The following SLC22A13 variants were observed in gnomAD, a reference collection of about 807,000 sequenced individuals.
SLC22A13 encodes solute carrier family 22 member 13, also known as organic anion transporter 10.
SLC22A13 carries 42 observed loss-of-function variants against 49.1 expected under a neutral mutation model. The observed-to-expected ratio is 0.85, with a 90% CI of 0.67 to 1.11. The LOEUF (loss-of-function observed/expected upper bound fraction) is 1.11. SLC22A13 is among the 50% of genes least tolerant of loss of function. SLC22A13 has a pLI of 0.00. For synonymous variants in SLC22A13, 282 were observed against 293.1 expected, an observed-to-expected ratio of 0.96 and a Z score of 0.39; for missense variants, 694 against 712.8, an observed-to-expected ratio of 0.97 and a Z score of 0.30.
In SLC22A13 at chr3:38,276,316, G is replaced by C. The variant is rs201669756; in HGVS notation, c.1267G>C (p.Val423Leu). 1 of 1,613,560 alleles carries C rather than the reference G, an allele frequency of 6.2e-7. No homozygotes were observed. The highest frequency in any genetic ancestry group is 1.1e-5 in the South Asian group (1 of 91,024). Residue 423 changes from valine (V) to leucine (L), a missense_variant, in exon 8 of 10, where the codon GTG becomes CTG. Coordinates refer to ENST00000311856, the MANE Select transcript of SLC22A13 (RefSeq NM_004256.4). ...GCCCGTGGTGGTCACCATGCTGGCTGTGGTGGGGAAGATGGCCACAGCTGC... is the reference window on the plus strand; with the variant it reads ...GCCCGTGGTGGTCACCATGCTGGCTCTGGTGGGGAAGATGGCCACAGCTGC... ...DLPVVVTMLA[V>L]VGKMATAAAF...
intron 1 of SLC22A13, among the ~76,000 whole-genome samples, chr3:38,269,505 G>T (rs1295130465): frequency 6.6e-6 from 1 of 152,016 alleles, no homozygotes; most frequent in Non-Finnish European, 1.5e-5. Flanking sequence ...TGATCCACCC[G>T]CCTCAGCCTC....
rs370262738 is a variant in SLC22A13 at position 38,276,295 on chromosome 3, G to T, written c.1246G>T (p.Val416Leu). 3.2e-5 allele frequency: 52 copies of T among 1,612,350 alleles called. No homozygotes were observed. Among genetic ancestry groups the T allele is most frequent in the Admixed American group, 3.3e-5 (2 of 59,888 alleles). Residue 416 changes from valine to leucine, a missense_variant, in exon 8 of 10, where the codon GTG (valine) becomes TTG (leucine). By Grantham distance (32) the Val-to-Leu change is conservative (BLOSUM62 1). Coordinates refer to ENST00000311856, the MANE Select transcript of SLC22A13 (RefSeq NM_004256.4). ...IIIFIPADLP[V>L]VVTMLAVVGK... ...TGTCTACCCTCTGCCAGATCTGCCC[G>T]TGGTGGTCACCATGCTGGCTGTGGT...
In SLC22A13 at chr3:38,276,377, T is replaced by G; in HGVS notation, c.1328T>G (p.Leu443Arg). The G allele has an allele frequency of 1.2e-6, 2 of 1,609,932 alleles. No homozygotes were observed. The highest frequency in any genetic ancestry group is 2.2e-5 in the South Asian group (2 of 90,762). The change falls in exon 8 of 10, where the codon CTT (leucine) becomes CGT (arginine). Residue 443 changes from leucine (L) to arginine (R), a missense_variant. Leu to Arg is a moderately radical substitution (Grantham distance 102). Coordinates refer to ENST00000311856, the MANE Select transcript of SLC22A13 (RefSeq NM_004256.4). Reference sequence around the variant, plus strand: ...ATCTCCTATGTGTACTCTGCCGAGCTTTTCCCCACCATCCTCCGGTAAGAG... The same window carrying G: ...ATCTCCTATGTGTACTCTGCCGAGCGTTTCCCCACCATCCTCCGGTAAGAG... Reference protein sequence around the residue: ...FTISYVYSAELFPTILRQTGM... With the variant: ...FTISYVYSAERFPTILRQTGM...
rs565735758 is a variant in SLC22A13, at chr3:38,272,981, G to A, written c.379-1291G>A. Among the ~76,000 whole-genome samples, 13 of 152,250 alleles carry A rather than the reference G, an allele frequency of 8.5e-5. No homozygotes were observed. The East Asian group carries it at 9.6e-4, about 11-fold the overall frequency. ...TTAGCTGCTTAAACTTTCCTTTCTCGGGAAGTTGATAATAAGTGAAGGATT... is the reference window on the plus strand; with the variant it reads ...TTAGCTGCTTAAACTTTCCTTTCTCAGGAAGTTGATAATAAGTGAAGGATT... On this transcript the variant is annotated intron_variant, in intron 1 of 9. Coordinates refer to ENST00000311856, the MANE Select transcript of SLC22A13 (RefSeq NM_004256.4).
rs72551365 is a variant in SLC22A13 at position 38,275,442 on chromosome 3, G to A, written c.879G>A (p.Lys293=). The A allele has an allele frequency of 1.2e-4, 191 of 1,614,232 alleles. 3 individuals are homozygous for A. In the Admixed American group the frequency reaches 2.9e-3, roughly 24 times the overall value. Residue 293 remains lysine, a synonymous_variant, in exon 5 of 10, where the codon AAG becomes AAA. Transcript: ENST00000311856. ...RMDEAIQLIQ[K]AASVNRRKLS... is the part of the protein sequence containing the mutation. Reference sequence around the variant, plus strand: ...ACGAGGCGATACAACTGATCCAGAAGGCGGCCTCGGTCAATAGGCGGAAAC... The same window carrying A: ...ACGAGGCGATACAACTGATCCAGAAAGCGGCCTCGGTCAATAGGCGGAAAC...
At chr3:38,276,518 G>T in intron 8 of SLC22A13, 123 bp downstream of exon 8, 1 of 696,944 alleles carries the variant, frequency 1.4e-6, no homozygotes. Flanking sequence ...GCAGTGCTGG[G>T]CAGGGTCCAG....
chr3:38,268,018 G>C (rs1703481272), intron 1 of SLC22A13, among the ~76,000 whole-genome samples: 1 of 152,192 alleles, frequency 6.6e-6, no homozygotes, highest in African/African-American at 2.4e-5. Flanking sequence ...TGGGACCTCT[G>C]TTCTTTGGTG....
chr3:38,267,978 A>C (rs767800955), intron 1 of SLC22A13, among the ~76,000 whole-genome samples: 3 of 152,154 alleles, frequency 2.0e-5, no homozygotes, highest in African/African-American at 4.8e-5. Flanking sequence ...GGGTAGGGGT[A>C]TAGGAATTAG....
At position 38,278,089 on chromosome 3, in the gene SLC22A13, C is replaced by T. The variant is rs913305316; in HGVS notation, c.*624C>T. ...TGTGTTCACTTCAAAGATGGCCCAA[C>T]CCCCGCCCTACACTCAGCTCATGCC... On this transcript the variant is annotated 3_prime_UTR_variant, in exon 10 of 10. Coordinates refer to ENST00000311856, the MANE Select transcript of SLC22A13 (RefSeq NM_004256.4). 2 of 152,472 alleles carry T rather than the reference C, an allele frequency of 1.3e-5. No homozygotes were observed. The highest frequency in any genetic ancestry group is 1.3e-4 in the Admixed American group (2 of 15,272). 9.4% of individuals were successfully genotyped at this position (152,472 alleles called of 1,614,324 possible).
intron 1 of SLC22A13, among the ~76,000 whole-genome samples, chr3:38,271,029 T>C (rs1360297589): frequency 6.6e-6 from 1 of 152,232 alleles, no homozygotes; most frequent in African/African-American, 2.4e-5. Flanking sequence ...TGGCTTTGTG[T>C]GATCTTCTAT....
Position 38,277,007 on chromosome 3 carries a change from C to G in SLC22A13, c.1442C>G (p.Pro481Arg). ...ILLGEYHAAL[P>R]MLIYGSLPIV... is the part of the protein sequence containing the mutation. ...CTGGGAGAGTACCACGCTGCCCTCC[C>G]CATGCTCATCTACGGCAGCCTCCCC... Residue 481 changes from proline (P) to arginine (R), a missense_variant, in exon 9 of 10, where the codon CCC (proline) becomes CGC (arginine). Physicochemically the swap from Pro to Arg is moderately radical, Grantham distance 103. Transcript: ENST00000311856. 1 of 1,610,884 alleles carries G rather than the reference C, an allele frequency of 6.2e-7. No individual in the cohort carries two copies. The highest frequency in any genetic ancestry group is 2.2e-5 in the East Asian group (1 of 44,694).
Position 38,274,991 on chromosome 3 carries a change from A to G in SLC22A13, c.640A>G (p.Thr214Ala). 1 of 1,613,878 alleles carries G rather than the reference A, an allele frequency of 6.2e-7. No individual in the cohort carries two copies. The highest frequency in any genetic ancestry group is 8.5e-7 in the Non-Finnish European group (1 of 1,179,758). Reference protein sequence around the residue: ...GLSFSNVTLLTEWVGPSWRTQ... With the variant: ...GLSFSNVTLLAEWVGPSWRTQ... ...TCTCAACCTCTCCATTGCCACAGTGACAGAATGGGTGGGGCCCTCATGGAG... is the reference window on the plus strand; with the variant it reads ...TCTCAACCTCTCCATTGCCACAGTGGCAGAATGGGTGGGGCCCTCATGGAG... The change falls in exon 4 of 10, where the codon ACA (threonine) becomes GCA (alanine). Residue 214 changes from threonine to alanine, a missense_variant and splice_region_variant. Transcript: ENST00000311856.
chr3:38,277,124 C>G lies in SLC22A13; in HGVS notation c.1559C>G (p.Pro520Arg). The change falls in exon 9 of 10, where the codon CCA (proline) becomes CGA (arginine). Residue 520 changes from proline (P) to arginine (R), a missense_variant. Transcript: ENST00000311856. Reference protein sequence around the residue: ...TLQDLELGPHPRSPKSVPSEK... With the variant: ...TLQDLELGPHRRSPKSVPSEK... The stretch of plus-strand genomic sequence containing the variant: ...CAGGACCTGGAGCTGGGGCCTCACC[C>G]ACGGTGAGCTGCTTGCTTGCACTGA... 2 of 1,556,210 alleles carry G rather than the reference C, an allele frequency of 1.3e-6. No individual in the cohort carries two copies. The highest frequency in any genetic ancestry group is 1.2e-5 in the South Asian group (1 of 84,836).
rs773535589 is a variant in SLC22A13, at chr3:38,275,174, C to A, written c.806+17C>A. ...CTACTTCTGGTGAGGAAAATACATG[C>A]CAGGAGCAAGCCCCCCCAGGTTAGT... On this transcript the variant is annotated intron_variant, in intron 4 of 9. Transcript: ENST00000311856. 6.2e-7 allele frequency: 1 copy of A among 1,613,472 alleles called. No individual in the cohort carries two copies. The highest frequency in any genetic ancestry group is 8.5e-7 in the Non-Finnish European group (1 of 1,179,442).
Position 38,278,237 on chromosome 3 carries a change from G to A in SLC22A13, c.*772G>A, listed in dbSNP as rs938416934. The A allele has an allele frequency of 6.6e-6, 1 of 152,324 alleles. No homozygotes were observed. 9.4% of individuals were successfully genotyped at this position (152,324 alleles called of 1,614,324 possible). On this transcript the variant is annotated 3_prime_UTR_variant, in exon 10 of 10. Coordinates refer to ENST00000311856, the MANE Select transcript of SLC22A13 (RefSeq NM_004256.4). The stretch of plus-strand genomic sequence containing the variant: ...TCTGGACCTTCCAGGGCCCATGCAG[G>A]GTGAGGGAAAGGGTAGAGGTCTTTT...
intron 1 of SLC22A13, among the ~76,000 whole-genome samples, chr3:38,268,597 C>T (rs1356541862): frequency 6.6e-6 from 1 of 152,206 alleles, no homozygotes; most frequent in Non-Finnish European, 1.5e-5. Flanking sequence ...TACTTCTCTT[C>T]ATCTGTCAGT....
Position 38,274,278 on chromosome 3 carries a change from C to G in SLC22A13, c.385C>G (p.Leu129Val). The G allele has an allele frequency of 6.2e-7, 1 of 1,613,716 alleles. No individual in the cohort carries two copies. The highest frequency in any genetic ancestry group is 8.5e-7 in the Non-Finnish European group (1 of 1,179,600). The change falls in exon 2 of 10, where the codon CTG (leucine) becomes GTG (valine). Residue 129 changes from leucine (L) to valine (V), a missense_variant. By Grantham distance (32) the Leu-to-Val change is conservative. Coordinates refer to ENST00000311856, the MANE Select transcript of SLC22A13 (RefSeq NM_004256.4). ...RLPSLKNEFNLVCDRKHLKDT... is the reference protein window; with the variant it reads ...RLPSLKNEFNVVCDRKHLKDT... The stretch of plus-strand genomic sequence containing the variant: ...CTGCCTGTGTCTCCCTCAGTTCAAC[C>G]TGGTTTGTGATCGGAAGCACCTGAA...
Position 38,275,451 on chromosome 3 carries a change from G to A in SLC22A13, c.888G>A (p.Ser296=), listed in dbSNP as rs761884947. 6 of 1,614,188 alleles carry A rather than the reference G, an allele frequency of 3.7e-6. No homozygotes were observed. Among genetic ancestry groups the A allele is most frequent in the East Asian group, 2.2e-5 (1 of 44,888 alleles). Residue 296 remains serine (S), a synonymous_variant, in exon 5 of 10, where the codon TCG becomes TCA. Transcript: ENST00000311856. ...EAIQLIQKAA[S]VNRRKLSPEL... ...TACAACTGATCCAGAAGGCGGCCTC[G>A]GTCAATAGGCGGAAACTCTCCCCGG...
chr3:38,276,359 A>G lies in SLC22A13; in HGVS notation c.1310A>G (p.Tyr437Cys). ...MATAAAFTISYVYSAELFPTI... is the reference protein window; with the variant it reads ...MATAAAFTISCVYSAELFPTI... ...ACAGCTGCTGCCTTTACCATCTCCT[A>G]TGTGTACTCTGCCGAGCTTTTCCCC... is the stretch of plus-strand genomic sequence containing the variant. Residue 437 changes from tyrosine (Y) to cysteine (C), a missense_variant, in exon 8 of 10, where the codon TAT becomes TGT. By Grantham distance (194) the Tyr-to-Cys change is radical (BLOSUM62 -2). Transcript: ENST00000311856. 3.7e-6 allele frequency: 6 copies of G among 1,613,606 alleles called. No individual in the cohort carries two copies. Among genetic ancestry groups the G allele is most frequent in the South Asian group, 1.1e-5 (1 of 91,026 alleles).
Sources: allele counts gnomAD v4.1 joint callset (sites outside exome capture counted in the v4.1 genomes callset), GRCh38; gene constraint gnomAD v4.1.1; transcripts MANE v1.5; gene names NCBI Gene and HGNC (gene_info 2026-07-23, HGNC 2026-07-21).